The following NFATC3 variants were observed in gnomAD, a reference collection of about 807,000 sequenced individuals.
NFATC3 encodes the protein nuclear factor of activated T-cells, cytoplasmic 3.
NFATC3 carries 46 observed loss-of-function variants against 98.6 expected under a neutral mutation model. The ratio of observed to expected loss-of-function variants is 0.47; its 90% CI spans 0.37 to 0.60. The LOEUF is 0.60. Among genes scored for constraint, NFATC3 ranks in the 20% least tolerant of loss-of-function variants. The probability of loss-of-function intolerance (pLI) is 0.00; values close to 1 mark genes in which losing one functional copy is unlikely to be tolerated. For synonymous variants in NFATC3, 512 were observed against 472.2 expected, an observed-to-expected ratio of 1.08 and a Z score of -1.09; for missense variants, 1,256 against 1,295.5, an observed-to-expected ratio of 0.97 and a Z score of 0.47.
chr16:68,132,420 G>T (rs1049402527), intron 3 of NFATC3, among the ~76,000 whole-genome samples: 2 of 152,068 alleles, frequency 1.3e-5, no homozygotes, highest in African/African-American at 2.4e-5. Flanking sequence ...AAGAATAAAA[G>T]AATAAAAGAT....
intron 6 of NFATC3, among the ~76,000 whole-genome samples, chr16:68,177,855 G>A (rs772155942): frequency 6.6e-6 from 1 of 152,028 alleles, no homozygotes; most frequent in Non-Finnish European, 1.5e-5. Context: ...CAAAAAAGTA[G>A]TATCATATGC....
intron 8 of NFATC3, among the ~76,000 whole-genome samples, chr16:68,188,710 A>C (rs2040317095): frequency 1.3e-5 from 2 of 152,028 alleles, no homozygotes; most frequent in Admixed American, 1.3e-4. Flanking sequence ...AGGGTTTTTA[A>C]ATTTTATTTT....
chr16:68,194,752 T>G (rs746450185), intron 9 of NFATC3, among the ~76,000 whole-genome samples: 4 of 152,168 alleles, frequency 2.6e-5, no homozygotes, highest in Non-Finnish European at 5.9e-5. Flanking sequence ...ACCTGCTCTT[T>G]CTAATTTACC....
intron 3 of NFATC3, among the ~76,000 whole-genome samples, chr16:68,128,534 A>G (rs559868028): frequency 3.6e-4 from 55 of 152,272 alleles, no homozygotes; most frequent in African/African-American, 1.3e-3. Context: ...GGGAGGGTAC[A>G]TGATTTGTTT....
chr16:68,171,352 T>C (rs189888023), intron 5 of NFATC3, among the ~76,000 whole-genome samples: 28 of 152,236 alleles, frequency 1.8e-4, no homozygotes, highest in Non-Finnish European at 2.4e-4. Flanking sequence ...GTAATCAGTG[T>C]TTGTTTTCCG....
chr16:68,176,778 A>G (rs2039727950), intron 6 of NFATC3, among the ~76,000 whole-genome samples: 1 of 152,126 alleles, frequency 6.6e-6, no homozygotes, highest in Non-Finnish European at 1.5e-5. Flanking sequence ...AATTCTTTAT[A>G]TATTCCGGAT....
intron 3 of NFATC3, among the ~76,000 whole-genome samples, chr16:68,149,509 C>A (rs1429084664): frequency 1.3e-5 from 2 of 152,178 alleles, no homozygotes; most frequent in African/African-American, 4.8e-5. Context: ...TTAAAATACA[C>A]TACAAGGCTG....
intron 8 of NFATC3, among the ~76,000 whole-genome samples, chr16:68,186,972 A>G (rs2040230370): frequency 2.0e-5 from 3 of 152,236 alleles, no homozygotes; most frequent in Non-Finnish European, 4.4e-5. Context: ...ACCTTTGCCC[A>G]CAGCCCTCTG....
intron 1 of NFATC3, among the ~76,000 whole-genome samples, chr16:68,101,570 G>A (rs527311282): frequency 1.3e-5 from 2 of 151,018 alleles, no homozygotes; most frequent in South Asian, 4.2e-4. Context: ...TGCAAGCTCC[G>A]CCTCCCGGGT....
intron 9 of NFATC3, among the ~76,000 whole-genome samples, chr16:68,203,963 G>A (rs1177849150): frequency 1.3e-5 from 2 of 152,190 alleles, no homozygotes; most frequent in Admixed American, 6.6e-5. Flanking sequence ...CGAGGCAGGC[G>A]GATCACTGGA....
At chr16:68,162,148 T>C (rs968262793) in intron 4 of NFATC3, among the ~76,000 whole-genome samples, 1 of 152,206 alleles carries the variant, frequency 6.6e-6, no homozygotes, top group Non-Finnish European at 1.5e-5. Context: ...TGCTCTGTAC[T>C]GGTAGATTGT....
intron 3 of NFATC3, among the ~76,000 whole-genome samples, chr16:68,139,517 A>G (rs567446193): frequency 2.0e-5 from 3 of 152,306 alleles, no homozygotes; most frequent in Non-Finnish European, 4.4e-5. Flanking sequence ...GTGAAAATGG[A>G]AAGTAGAAGG....
intron 1 of NFATC3, among the ~76,000 whole-genome samples, chr16:68,121,287 C>A (rs1240938279): frequency 7.1e-6 from 1 of 140,104 alleles, no homozygotes; most frequent in African/African-American, 2.6e-5. Flanking sequence ...TGCTGTGTCA[C>A]CCAGGCTGGA....
rs969448972 is a variant in NFATC3, at chr16:68,229,093, C to G, written c.*2622C>G. Reference sequence around the variant, plus strand: ...GATGTTTAGTAAAGGAACTGGTTCTCAGTTATGTTTACAGCACTTGGAATT... The same window carrying G: ...GATGTTTAGTAAAGGAACTGGTTCTGAGTTATGTTTACAGCACTTGGAATT... On this transcript the variant is annotated 3_prime_UTR_variant, in exon 10 of 10. Transcript: ENST00000346183. 1 of 152,186 alleles carries G rather than the reference C, an allele frequency of 6.6e-6. No individual in the cohort carries two copies. Among genetic ancestry groups the G allele is most frequent in the Non-Finnish European group, 1.5e-5 (1 of 68,032 alleles). The allele number at this position is 152,186 out of a possible 1,614,324, so 9.4% of individuals were successfully genotyped here. A position where few individuals can be genotyped will look rare whatever the true frequency, so the allele number is the denominator to read the frequency against.
chr16:68,153,049 A>G (rs1368474884), intron 3 of NFATC3, among the ~76,000 whole-genome samples: 1 of 152,210 alleles, frequency 6.6e-6, no homozygotes, highest in African/African-American at 2.4e-5. Flanking sequence ...GAAAAAGCAG[A>G]TATCGAATGT....
At chr16:68,188,084 C>T (rs1365525647) in intron 8 of NFATC3, among the ~76,000 whole-genome samples, 4 of 152,182 alleles carry the variant, frequency 2.6e-5, no homozygotes, top group Non-Finnish European at 5.9e-5. Context: ...TCTGGTGTGT[C>T]AGCACTGCCC....
chr16:68,113,342 C>G (rs746411324), intron 1 of NFATC3, among the ~76,000 whole-genome samples: 59 of 152,154 alleles, frequency 3.9e-4, no homozygotes, highest in Admixed American at 9.2e-4. Context: ...GGCCCCTCTT[C>G]CATAGGGTAG....
At chr16:68,139,292 CATT>C (rs1429215830) in intron 3 of NFATC3, among the ~76,000 whole-genome samples, 2 of 152,074 alleles carry the variant, frequency 1.3e-5, no homozygotes, top group African/African-American at 4.8e-5. Flanking sequence ...GTAAATGAAA[CATT>C]GTGAGGAACA....
intron 9 of NFATC3, among the ~76,000 whole-genome samples, chr16:68,219,509 GT>G (rs1005288422): frequency 2.0e-5 from 3 of 152,150 alleles, no homozygotes; most frequent in Non-Finnish European, 4.4e-5. Flanking sequence ...CACGGCTGTA[GT>G]GAGCTATGAT....
Sources: gnomAD v4.1 joint callset for allele counts (sites outside exome capture counted in the v4.1 genomes callset) on GRCh38, gnomAD v4.1.1 for gene constraint, MANE v1.5 for transcripts, NCBI Gene and HGNC (gene_info 2026-07-23, HGNC 2026-07-21) for gene names.